The following RRAS2 variants were observed in gnomAD, a reference collection of about 807,000 sequenced individuals.
The protein encoded by RRAS2 is RAS related 2.
RRAS2 carries 7 observed loss-of-function variants against 27.6 expected under a neutral mutation model. The ratio of observed to expected loss-of-function variants is 0.25; its 90% confidence interval spans 0.14 to 0.48. The LOEUF (loss-of-function observed/expected upper bound fraction) is 0.48. RRAS2 is among the 20% of genes least tolerant of loss of function. The pLI is 0.99. For synonymous variants in RRAS2, 86 were observed against 90.9 expected (o/e 0.95, Z 0.31); for missense variants, 178 against 256.2 (o/e 0.69, Z 2.08).
At chr11:14,323,980 TA>T (rs34742487) in intron 1 of RRAS2, among the ~76,000 whole-genome samples, 66,142 of 145,612 alleles carry the variant, frequency 0.45, 15,222 homozygotes, top group South Asian at 0.55. Flanking sequence ...ACATTTGTCT[TA>T]AAAAAAAAAA....
intron 4 of RRAS2, 134 bp from the exon 5 acceptor site, chr11:14,281,854 T>A: frequency 1.4e-6 from 1 of 697,634 alleles, no homozygotes; most frequent in Non-Finnish European, 2.4e-6. Flanking sequence ...ACAACAGACT[T>A]AACAGCTCAA....
chr11:14,293,644 G>A (rs1307210618), intron 4 of RRAS2, among the ~76,000 whole-genome samples: 2 of 152,102 alleles, frequency 1.3e-5, no homozygotes, highest in African/African-American at 4.8e-5. Context: ...CATGTAAGAC[G>A]TGTCTTTGCT....
At position 14,336,740 on chromosome 11, in the gene RRAS2, T is replaced by C. The variant is rs1220641387; in HGVS notation, c.108+22023A>G. Among the ~76,000 whole-genome samples, 3 of 152,276 alleles carry C rather than the reference T, an allele frequency of 2.0e-5. 1 individual carries two copies. The Middle Eastern group carries it at 0.01, about 518-fold the overall frequency. Reference sequence around the variant, plus strand: ...CAATGAACAGAGCCTCAATAGCCTTTGGGAATGTTACAAAAGATCTAACTT... The same window carrying C: ...CAATGAACAGAGCCTCAATAGCCTTCGGGAATGTTACAAAAGATCTAACTT... On this transcript the variant is annotated intron_variant, in intron 1 of 5. Coordinates refer to ENST00000256196, the MANE Select transcript of RRAS2 (RefSeq NM_012250.6).
At chr11:14,331,854 C>G (rs1554951940) in intron 1 of RRAS2, among the ~76,000 whole-genome samples, 1 of 151,988 alleles carries the variant, frequency 6.6e-6, no homozygotes, top group Non-Finnish European at 1.5e-5. Context: ...CTCAGTAACA[C>G]AAAGCAATCC....
chr11:14,290,811 CAGG>C (rs1554945720), intron 4 of RRAS2, among the ~76,000 whole-genome samples: 2 of 152,210 alleles, frequency 1.3e-5, no homozygotes, highest in South Asian at 2.1e-4. Context: ...AAGTAAGTTT[CAGG>C]AGTTTTGCTA....
chr11:14,321,465 T>C (rs1848221052), intron 1 of RRAS2, among the ~76,000 whole-genome samples: 1 of 152,140 alleles, frequency 6.6e-6, no homozygotes, highest in Non-Finnish European at 1.5e-5. Flanking sequence ...GGGGCTACAT[T>C]TGTTATTATT....
intron 4 of RRAS2, among the ~76,000 whole-genome samples, chr11:14,290,654 T>C (rs895275924): frequency 4.6e-5 from 7 of 152,132 alleles, no homozygotes; most frequent in South Asian, 2.1e-4. Flanking sequence ...GGAAATACTA[T>C]CTCAGAGCTA....
At chr11:14,362,421 T>TGCCACAATGAGCTCTTTCCCTAAGAAA (rs1849202360), upstream of RRAS2, among the ~76,000 whole-genome samples, 1 of 152,044 alleles carries the variant, frequency 6.6e-6, no homozygotes, top group African/African-American at 2.4e-5. Context: ...AGACTTTCTA[T>TGCCACAATGAGCTCTTTCCCTAAGAAA]GCCAAAATGA....
chr11:14,343,045 G>A (rs1164309230), intron 1 of RRAS2, among the ~76,000 whole-genome samples: 1 of 152,126 alleles, frequency 6.6e-6, no homozygotes, highest in Non-Finnish European at 1.5e-5. Context: ...TTTGTGACAG[G>A]CCAGTAAGAC....
At chr11:14,339,912 G>C (rs954951646) in intron 1 of RRAS2, among the ~76,000 whole-genome samples, 1 of 151,706 alleles carries the variant, frequency 6.6e-6, no homozygotes, top group East Asian at 1.9e-4. Flanking sequence ...TCAGGAGTTC[G>C]AGACCAGCCT....
chr11:14,352,179 A>G lies in RRAS2; in HGVS notation c.108+6584T>C, dbSNP rs559995655. On this transcript the variant is annotated intron_variant, in intron 1 of 5. Transcript: ENST00000256196. ...AAAGAGCTTTCTCCCAGAAAAAAGA[A>G]TCATTGTATAAGGTGACAGTAAGTT... Among the ~76,000 whole-genome samples the G allele has an allele frequency of 9.0e-4, 137 of 152,328 alleles. 1 individual carries two copies. The highest frequency in any genetic ancestry group is 8.3e-4 in the South Asian group (4 of 4,832).
intron 1 of RRAS2, among the ~76,000 whole-genome samples, chr11:14,337,409 C>CA (rs1270348891): frequency 1.3e-5 from 2 of 152,166 alleles, no homozygotes; most frequent in African/African-American, 4.8e-5. Flanking sequence ...TCATCCAAAG[C>CA]AGATGATTCT....
At chr11:14,292,756 T>G (rs546970807) in intron 4 of RRAS2, among the ~76,000 whole-genome samples, 1 of 152,148 alleles carries the variant, frequency 6.6e-6, no homozygotes, top group African/African-American at 2.4e-5. Flanking sequence ...GCAGGAAAAT[T>G]TATTCTATAC....
At chr11:14,296,764 A>T (rs1267992980) in intron 1 of RRAS2, among the ~76,000 whole-genome samples, 1 of 152,100 alleles carries the variant, frequency 6.6e-6, no homozygotes, top group African/African-American at 2.4e-5. Flanking sequence ...TTTTTATCTT[A>T]AATTCTATTC....
intron 4 of RRAS2, 74 bp from the exon 5 acceptor site, chr11:14,281,794 T>C (rs1849544380): frequency 1.5e-6 from 2 of 1,304,384 alleles, no homozygotes; most frequent in South Asian, 1.4e-5. Flanking sequence ...TGGCCACAGA[T>C]TGTGCTAATA....
chr11:14,312,417 T>C (rs1480907750), intron 1 of RRAS2, among the ~76,000 whole-genome samples: 2 of 152,128 alleles, frequency 1.3e-5, no homozygotes, highest in Non-Finnish European at 2.9e-5. Flanking sequence ...CACTTGTTTT[T>C]TGTTTGTTTT....
At chr11:14,323,544 C>G (rs558870983) in intron 1 of RRAS2, among the ~76,000 whole-genome samples, 9 of 151,956 alleles carry the variant, frequency 5.9e-5, no homozygotes, top group African/African-American at 2.2e-4. Context: ...CTCTTCCCCC[C>G]ACCGGCACAC....
chr11:14,295,367 A>G (rs190983939), intron 2 of RRAS2, among the ~76,000 whole-genome samples: 2 of 152,360 alleles, frequency 1.3e-5, no homozygotes, highest in African/African-American at 4.8e-5. Flanking sequence ...GTTTAGACAC[A>G]AAACAGTACT....
chr11:14,294,843 T>C lies in RRAS2; in HGVS notation c.216A>G (p.Gln72=), dbSNP rs1358788581. 10 of 1,613,640 alleles carry C rather than the reference T, an allele frequency of 6.2e-6. No individual in the cohort carries two copies. The African/African-American group carries it at 1.2e-4, about 19-fold the overall frequency. The part of the protein sequence containing the change: ...ARLDILDTAG[Q]EEFGAMREQY... ...GTTCTCTCATGGCTCCAAACTCTTC[T>C]TGTCCTGCTGTATCCAAAACTAAAG... The change falls in exon 3 of 6, where the codon CAA becomes CAG. Residue 72 remains glutamine (Q), a synonymous_variant. Transcript: ENST00000256196.
Sources: gnomAD v4.1 joint callset for allele counts (sites outside exome capture counted in the v4.1 genomes callset) on GRCh38, gnomAD v4.1.1 for gene constraint, MANE v1.5 for transcripts, NCBI Gene and HGNC (gene_info 2026-07-23, HGNC 2026-07-21) for gene names.